PRKG1: variants seen among roughly 807,000 people sequenced by gnomAD.
The protein encoded by PRKG1 is cGMP-dependent protein kinase 1.
A neutral mutation model predicts 88.1 loss-of-function variants in PRKG1; 35 were observed. The observed-to-expected ratio is 0.40, with a 90% CI of 0.30 to 0.53. PRKG1 has a LOEUF of 0.53. Ranked by LOEUF, PRKG1 falls within the 20% of genes least tolerant of loss-of-function variation. The pLI, the probability that PRKG1 is intolerant of heterozygous loss-of-function variation, is 0.59. For missense variants in PRKG1, 540 were observed against 839.8 expected, an observed-to-expected ratio of 0.64 and a Z score of 4.41; for synonymous variants, 303 against 292.5, an observed-to-expected ratio of 1.04 and a Z score of -0.37.
intron 1 of PRKG1, among the ~76,000 whole-genome samples, chr10:51,109,314 C>A (rs1283284901): frequency 6.6e-6 from 1 of 152,004 alleles, no homozygotes; most frequent in African/African-American, 2.4e-5. Context: ...GGACTAACAC[C>A]ACTTAAGGTT....
rs574162984 is a variant in PRKG1 at position 51,749,348 on chromosome 10, G to A, written c.593-55237G>A. Among the ~76,000 whole-genome samples, 4 of 152,266 alleles carry A rather than the reference G, an allele frequency of 2.6e-5. No individual in the cohort carries two copies. In the South Asian group the frequency reaches 8.3e-4, roughly 32 times the overall value. On this transcript the variant is annotated intron_variant, in intron 3 of 17. Coordinates refer to ENST00000373980, the MANE Select transcript of PRKG1 (RefSeq NM_006258.4). ...TTCTGAAGCTGGAAGTCTGAGACCAGGCTGCCACGAGCATGGCCAGGAGCT... is the reference window on the plus strand; with the variant it reads ...TTCTGAAGCTGGAAGTCTGAGACCAAGCTGCCACGAGCATGGCCAGGAGCT...
chr10:51,285,025 C>A (rs1206698648), intron 2 of PRKG1, among the ~76,000 whole-genome samples: 1 of 82,942 alleles, frequency 1.2e-5, no homozygotes, highest in East Asian at 3.9e-4. Context: ...AGGTATATCT[C>A]CCAATGCTAC....
chr10:52,191,343 T>C (rs1839359437), intron 9 of PRKG1, among the ~76,000 whole-genome samples: 1 of 151,890 alleles, frequency 6.6e-6, no homozygotes, highest in South Asian at 2.1e-4. Context: ...TTTTTTTTTT[T>C]TTCTTACAGA....
intron 4 of PRKG1, among the ~76,000 whole-genome samples, chr10:51,895,002 A>G (rs1841808391): frequency 6.6e-6 from 1 of 152,212 alleles, no homozygotes; most frequent in Non-Finnish European, 1.5e-5. Context: ...AACTGATGAG[A>G]ATAGAACTCT....
At chr10:51,385,019 G>A (rs750787806) in intron 2 of PRKG1, among the ~76,000 whole-genome samples, 9 of 152,138 alleles carry the variant, frequency 5.9e-5, no homozygotes, top group Non-Finnish European at 1.0e-4. Context: ...ATTGTCTCTC[G>A]AACCTTGTTG....
chr10:51,579,701 T>G (rs977751882), intron 3 of PRKG1, among the ~76,000 whole-genome samples: 4 of 152,098 alleles, frequency 2.6e-5, no homozygotes, highest in Non-Finnish European at 5.9e-5. Context: ...GTTAACTACT[T>G]CTAGGGTAAT....
chr10:52,112,106 C>CTGAAG (rs1336577605), intron 7 of PRKG1, among the ~76,000 whole-genome samples: 1 of 152,146 alleles, frequency 6.6e-6, no homozygotes, highest in Non-Finnish European at 1.5e-5. Context: ...AGGTTGCCCC[C>CTGAAG]ACTATTTAGA....
At chr10:52,140,966 G>A (rs1837564970) in intron 8 of PRKG1, among the ~76,000 whole-genome samples, 1 of 152,088 alleles carries the variant, frequency 6.6e-6, no homozygotes, top group Non-Finnish European at 1.5e-5. Context: ...ATATTTCACA[G>A]CCTCAGCCTT....
chr10:52,104,381 A>G (rs919462941), intron 7 of PRKG1, among the ~76,000 whole-genome samples: 11 of 152,232 alleles, frequency 7.2e-5, no homozygotes, highest in African/African-American at 2.4e-4. Context: ...TTTCTATACA[A>G]TGCTTACATT....
intron 2 of PRKG1, among the ~76,000 whole-genome samples, chr10:51,396,959 G>A (rs1588914190): frequency 6.6e-6 from 1 of 152,074 alleles, no homozygotes; most frequent in East Asian, 1.9e-4. Context: ...ATAAGTCCAT[G>A]AAAAGAAAAT....
In PRKG1 at chr10:52,178,213, A is replaced by G. The variant is rs939808453; in HGVS notation, c.1076+16250A>G. Among the ~76,000 whole-genome samples the G allele has an allele frequency of 2.0e-5, 3 of 151,956 alleles. No homozygotes were observed. The East Asian group carries it at 5.8e-4, about 29-fold the overall frequency. ...TTGGTTATGTTGCATTTCTATTTTC[A>G]TATGTTTTAAGAAATTTTTAAATTT... On this transcript the variant is annotated intron_variant, in intron 9 of 17. Coordinates refer to ENST00000373980, the MANE Select transcript of PRKG1 (RefSeq NM_006258.4).
chr10:51,334,827 G>C (rs1051179263), intron 2 of PRKG1, among the ~76,000 whole-genome samples: 2 of 152,070 alleles, frequency 1.3e-5, no homozygotes, highest in African/African-American at 4.8e-5. Context: ...CTAATTAGAG[G>C]AGAGCAGAGG....
At chr10:51,624,479 A>G (rs2132267506) in intron 3 of PRKG1, among the ~76,000 whole-genome samples, 1 of 152,326 alleles carries the variant, frequency 6.6e-6, no homozygotes, top group African/African-American at 2.4e-5. Context: ...TTATCACTGA[A>G]GCTCAGTGTT....
At chr10:52,224,796 ATAGT>A (rs1840341027) in intron 9 of PRKG1, among the ~76,000 whole-genome samples, 1 of 92,828 alleles carries the variant, frequency 1.1e-5, no homozygotes, top group Non-Finnish European at 2.2e-5. Flanking sequence ...TTATGGCTGC[ATAGT>A]ATTCCATCAT....
chr10:52,215,162 A>G (rs1840078351), intron 9 of PRKG1, among the ~76,000 whole-genome samples: 1 of 152,046 alleles, frequency 6.6e-6, no homozygotes, highest in Non-Finnish European at 1.5e-5. Flanking sequence ...TGGGAGGTGG[A>G]GGCAGGCAGA....
chr10:51,596,945 G>GA (rs34759670), intron 3 of PRKG1, among the ~76,000 whole-genome samples: 44 of 152,128 alleles, frequency 2.9e-4, no homozygotes, highest in African/African-American at 1.1e-3. Context: ...TATAATGTAT[G>GA]AAAAAAAGTG....
At chr10:51,385,470 GT>G (rs1837226439) in intron 2 of PRKG1, among the ~76,000 whole-genome samples, 2 of 152,152 alleles carry the variant, frequency 1.3e-5, no homozygotes, top group South Asian at 4.1e-4. Context: ...AGTGAATGCT[GT>G]TTACCCACAG....
At chr10:51,996,711 G>GA (rs1037738260) in intron 5 of PRKG1, among the ~76,000 whole-genome samples, 38 of 152,120 alleles carry the variant, frequency 2.5e-4, no homozygotes, top group Non-Finnish European at 4.3e-4. Flanking sequence ...CATCCATTGT[G>GA]AAAAAAAGTA....
chr10:51,537,786 C>T (rs1325821102), intron 3 of PRKG1, among the ~76,000 whole-genome samples: 1 of 150,350 alleles, frequency 6.7e-6, no homozygotes, highest in African/African-American at 2.4e-5. Context: ...AGTGCCTTAT[C>T]TCCACCCATG....
Sources: gnomAD v4.1 joint callset for allele counts (sites outside exome capture counted in the v4.1 genomes callset) on GRCh38, gnomAD v4.1.1 for gene constraint, MANE v1.5 for transcripts, NCBI Gene and HGNC (gene_info 2026-07-23, HGNC 2026-07-21) for gene names.